IST1: variants seen among roughly 807,000 people sequenced by gnomAD.
The protein encoded by IST1 is IST1 factor associated with ESCRT-III.
In IST1, 23 loss-of-function variants were observed where a neutral mutation model predicts 37.0. The observed-to-expected ratio is 0.62, with a 90% CI of 0.45 to 0.88. The LOEUF is 0.88. IST1 is among the 40% of genes least tolerant of loss of function. IST1 has a pLI of 0.00. For synonymous variants in IST1, 180 were observed against 161.7 expected (o/e 1.11, Z -0.86); for missense variants, 488 against 445.4 (o/e 1.10, Z -0.86).
At position 71,922,754 on chromosome 16, in the gene IST1, A is replaced by G. The variant is rs1425020351; in HGVS notation, c.759+74A>G. ...ACAAGTTGGCTCTGTGAACACACTC[A>G]GGAATCATAGGTTGTCAGGAGCCAT... On this transcript the variant is annotated intron_variant, in intron 7 of 9. Coordinates refer to ENST00000378799, the MANE Select transcript of IST1 (RefSeq NM_001270975.2). 4.9e-6 allele frequency: 6 copies of G among 1,218,008 alleles called. No homozygotes were observed. The Admixed American group carries it at 1.0e-4, about 20-fold the overall frequency. The allele number at this position is 1,218,008 out of a possible 1,614,324, so 75.5% of individuals were successfully genotyped here.
intron 1 of IST1, among the ~76,000 whole-genome samples, chr16:71,912,489 G>A (rs1345106230): frequency 1.3e-5 from 2 of 151,444 alleles, no homozygotes; most frequent in Non-Finnish European, 2.9e-5. Context: ...TGCCCACCTC[G>A]GCCTCCCAAA....
chr16:71,917,920 A>G (rs891625850), intron 4 of IST1, among the ~76,000 whole-genome samples: 2 of 151,928 alleles, frequency 1.3e-5, no homozygotes, highest in African/African-American at 4.8e-5. Flanking sequence ...CCTATTTCTT[A>G]GTTTTATAGT....
chr16:71,924,715 C>T, intron 8 of IST1, 54 bp from the exon 9 acceptor site: 1 of 1,371,586 alleles, frequency 7.3e-7, no homozygotes. Flanking sequence ...TACACCAGTA[C>T]TTTCTCCAGT....
intron 1 of IST1, among the ~76,000 whole-genome samples, chr16:71,896,004 G>T (rs772960102): frequency 2.0e-5 from 3 of 152,270 alleles, no homozygotes; most frequent in Non-Finnish European, 2.9e-5. Context: ...AGCTTCCAGT[G>T]CCGCGAGAGG....
chr16:71,917,679 C>G (rs1358246032), intron 4 of IST1, among the ~76,000 whole-genome samples: 1 of 152,096 alleles, frequency 6.6e-6, no homozygotes, highest in East Asian at 1.9e-4. Context: ...TTTCTATTTT[C>G]TACATCTTTG....
chr16:71,927,918 C>A lies in IST1; in HGVS notation c.*105C>A. On this transcript the variant is annotated 3_prime_UTR_variant, in exon 10 of 10. Coordinates refer to ENST00000378799, the MANE Select transcript of IST1 (RefSeq NM_001270975.2). ...ATTCTGTTTCATCTGTTAACCGTCA[C>A]TCAGCACAACACTCCCTCTGGGCTC... 1 of 792,106 alleles carries A rather than the reference C, an allele frequency of 1.3e-6. No individual in the cohort carries two copies. Among genetic ancestry groups the A allele is most frequent in the Non-Finnish European group, 2.1e-6 (1 of 467,400 alleles). 49.1% of individuals were successfully genotyped at this position (792,106 alleles called of 1,614,324 possible). A position where few individuals can be genotyped will look rare whatever the true frequency, so the allele number is the denominator to read the frequency against.
At chr16:71,927,486 CA>C (rs34382355) in intron 9 of IST1, 127 bp from the exon 10 acceptor site, 192,824 of 590,354 alleles carry the variant, frequency 0.33, 7,465 homozygotes, top group East Asian at 0.44. Context: ...GAGACTGTCT[CA>C]AAAAAAAAAA....
Position 71,922,769 on chromosome 16 carries a change from T to C in IST1, c.759+89T>C, listed in dbSNP as rs373621976. 1.2e-5 allele frequency: 13 copies of C among 1,071,532 alleles called. No individual in the cohort carries two copies. The Admixed American group carries it at 1.4e-4, about 12-fold the overall frequency. The allele number at this position is 1,071,532 out of a possible 1,614,324, so 66.4% of individuals were successfully genotyped here. On this transcript the variant is annotated intron_variant, in intron 7 of 9. Coordinates refer to ENST00000378799, the MANE Select transcript of IST1 (RefSeq NM_001270975.2). ...GAACACACTCAGGAATCATAGGTTG[T>C]CAGGAGCCATTAGCAGTAAGAACAT...
chr16:71,901,214 T>G (rs957980788), intron 1 of IST1, among the ~76,000 whole-genome samples: 2 of 151,776 alleles, frequency 1.3e-5, no homozygotes, highest in East Asian at 1.9e-4. Context: ...AGTCTTTTGG[T>G]TTTTTTTCTT....
intron 1 of IST1, among the ~76,000 whole-genome samples, chr16:71,901,524 T>C (rs2037108962): frequency 1.3e-5 from 2 of 152,208 alleles, no homozygotes; most frequent in African/African-American, 4.8e-5. Flanking sequence ...AGTCTTTTGC[T>C]TTAAATTCGT....
chr16:71,899,237 T>C (rs2037047764), intron 1 of IST1, among the ~76,000 whole-genome samples: 1 of 152,106 alleles, frequency 6.6e-6, no homozygotes, highest in African/African-American at 2.4e-5. Context: ...TATTATAGTG[T>C]GAAAATACAC....
At chr16:71,900,537 G>A (rs760592497) in intron 1 of IST1, among the ~76,000 whole-genome samples, 2 of 152,026 alleles carry the variant, frequency 1.3e-5, no homozygotes, top group Admixed American at 6.6e-5. Flanking sequence ...AAGTCTCAGC[G>A]AGCTGAGTGA....
At chr16:71,926,953 C>T (rs543958824) in intron 9 of IST1, among the ~76,000 whole-genome samples, 1 of 151,980 alleles carries the variant, frequency 6.6e-6, no homozygotes, top group African/African-American at 2.4e-5. Context: ...GCCCCCAATC[C>T]CTAAAGAATG....
At chr16:71,921,310 A>G (rs765033314) in intron 5 of IST1, 33 bp from the exon 6 acceptor site, 10 of 1,286,888 alleles carry the variant, frequency 7.8e-6, no homozygotes, top group Admixed American at 1.7e-5. Flanking sequence ...GTTGGTATAC[A>G]TGCATCTTAG....
chr16:71,910,193 A>T (rs964149674), intron 1 of IST1, among the ~76,000 whole-genome samples: 2 of 152,176 alleles, frequency 1.3e-5, no homozygotes, highest in African/African-American at 4.8e-5. Context: ...TAGTTTGATG[A>T]AATCTCGTGC....
At chr16:71,913,657 C>T (rs554538511) in intron 1 of IST1, among the ~76,000 whole-genome samples, 22 of 152,174 alleles carry the variant, frequency 1.4e-4, no homozygotes, top group African/African-American at 1.9e-4. Context: ...CATGCCACCA[C>T]GCCCGGCTAA....
chr16:71,896,182 G>A (rs1186367721), intron 1 of IST1, among the ~76,000 whole-genome samples: 1 of 152,112 alleles, frequency 6.6e-6, no homozygotes, highest in African/African-American at 2.4e-5. Context: ...TGCGTGTGTA[G>A]TGAGAGGTCT....
intron 1 of IST1, among the ~76,000 whole-genome samples, chr16:71,913,373 C>T (rs566271536): frequency 2.6e-5 from 4 of 152,158 alleles, no homozygotes; most frequent in African/African-American, 7.2e-5. Flanking sequence ...GATATTGGCA[C>T]TTTTGATATG....
chr16:71,912,427 C>T (rs767148085), intron 1 of IST1, among the ~76,000 whole-genome samples: 5 of 152,058 alleles, frequency 3.3e-5, no homozygotes, highest in African/African-American at 7.2e-5. Flanking sequence ...TTAGTGGAGA[C>T]GGGGTTTCAC....
Sources: allele counts gnomAD v4.1 joint callset (sites outside exome capture counted in the v4.1 genomes callset), GRCh38; gene constraint gnomAD v4.1.1; transcripts MANE v1.5; gene names NCBI Gene and HGNC (gene_info 2026-07-23, HGNC 2026-07-21).